Variants in PKP4 observed in about 807,000 individuals in gnomAD.
The protein encoded by PKP4 is plakophilin 4, also known as plakophilin-4.
Under a neutral mutation model 145.1 loss-of-function variants are expected in PKP4, and 90 were observed. That is an observed-to-expected ratio of 0.62 (90% confidence interval 0.52 to 0.74). The LOEUF is 0.74. Ranked by LOEUF, PKP4 falls within the 30% of genes least tolerant of loss-of-function variation. The pLI is 0.00. For synonymous variants in PKP4, 563 were observed against 577.2 expected, an observed-to-expected ratio of 0.98 and a Z score of 0.35; for missense variants, 1,340 against 1,482.7, an observed-to-expected ratio of 0.90 and a Z score of 1.58.
At chr2:158,496,406 T>C (rs1695719676) in intron 1 of PKP4, among the ~76,000 whole-genome samples, 1 of 152,224 alleles carries the variant, frequency 6.6e-6, no homozygotes, top group Admixed American at 6.5e-5. Flanking sequence ...AAGGATTGAA[T>C]TTATCGATTC....
At chr2:158,665,251 G>A (rs576193331) in intron 15 of PKP4, among the ~76,000 whole-genome samples, 25 of 152,184 alleles carry the variant, frequency 1.6e-4, no homozygotes, top group South Asian at 6.2e-4. Context: ...TTCTGTTGTT[G>A]CAGGTTTCAG....
chr2:158,632,436 G>A lies in PKP4; in HGVS notation c.1342+495G>A, dbSNP rs1574876917. ...GTAGAATGTAAAATAGATACCCCTT[G>A]CAATGGACTCAAACTGGTACAGGAT... On this transcript the variant is annotated intron_variant, in intron 8 of 21. Coordinates refer to ENST00000389759, the MANE Select transcript of PKP4 (RefSeq NM_003628.6). 4 of 158,594 alleles carry A rather than the reference G, an allele frequency of 2.5e-5. No homozygotes were observed. In the South Asian group the frequency reaches 7.7e-4, roughly 30 times the overall value. 9.8% of individuals were successfully genotyped at this position (158,594 alleles called of 1,614,324 possible). A position where few individuals can be genotyped will look rare whatever the true frequency, so the allele number is the denominator to read the frequency against.
chr2:158,554,494 T>C (rs1056218243), intron 2 of PKP4, among the ~76,000 whole-genome samples: 11 of 151,588 alleles, frequency 7.3e-5, no homozygotes, highest in East Asian at 1.9e-4. Context: ...GGTGCAATCT[T>C]GGCTCACTGC....
intron 13 of PKP4, among the ~76,000 whole-genome samples, chr2:158,661,984 A>T (rs1010581077): frequency 6.6e-6 from 1 of 152,076 alleles, no homozygotes; most frequent in Non-Finnish European, 1.5e-5. Context: ...AGTACAGGGC[A>T]TTCTGCTCAT....
At chr2:158,631,131 G>A (rs1359275706) in intron 7 of PKP4, among the ~76,000 whole-genome samples, 3 of 151,920 alleles carry the variant, frequency 2.0e-5, no homozygotes, top group South Asian at 2.1e-4. Context: ...TAGTAGAGAC[G>A]GGGTTTCACC....
At chr2:158,528,597 T>A (rs1271862732) in intron 1 of PKP4, among the ~76,000 whole-genome samples, 1 of 123,244 alleles carries the variant, frequency 8.1e-6, no homozygotes, top group Non-Finnish European at 1.6e-5. Context: ...GTAACTAACC[T>A]GCACAATGTG....
intron 1 of PKP4, among the ~76,000 whole-genome samples, chr2:158,472,287 G>A (rs1424767203): frequency 9.6e-6 from 1 of 104,682 alleles, no homozygotes; most frequent in Non-Finnish European, 1.9e-5. Context: ...TTATCTTTTA[G>A]TTTCTAAAAA....
At chr2:158,658,533 TACTC>T in intron 12 of PKP4, 1 of 428,580 alleles carries the variant, frequency 2.3e-6, no homozygotes, top group African/African-American at 2.1e-5. Flanking sequence ...TTCTGTGACT[TACTC>T]AGAAAGGCCC....
At chr2:158,594,233 G>A (rs1389807781) in intron 3 of PKP4, among the ~76,000 whole-genome samples, 1 of 152,156 alleles carries the variant, frequency 6.6e-6, no homozygotes, top group Non-Finnish European at 1.5e-5. Flanking sequence ...TTGCTGATGG[G>A]TCAGGAACAG....
At chr2:158,508,805 CA>C (rs1242547863) in intron 1 of PKP4, among the ~76,000 whole-genome samples, 1 of 152,134 alleles carries the variant, frequency 6.6e-6, no homozygotes, top group Non-Finnish European at 1.5e-5. Flanking sequence ...GGCTGGACAT[CA>C]AAATTTTATA....
At chr2:158,472,459 A>G (rs955291173) in intron 1 of PKP4, among the ~76,000 whole-genome samples, 3 of 151,868 alleles carry the variant, frequency 2.0e-5, no homozygotes, top group Non-Finnish European at 4.4e-5. Context: ...AAAATACAAA[A>G]AAAATTGGCC....
intron 4 of PKP4, among the ~76,000 whole-genome samples, chr2:158,609,364 A>T (rs189324125): frequency 3.3e-5 from 5 of 152,312 alleles, no homozygotes; most frequent in African/African-American, 9.6e-5. Flanking sequence ...CCATCAGTCC[A>T]CTTAGTCTTT....
intron 2 of PKP4, chr2:158,548,721 T>C: frequency 3.9e-6 from 1 of 256,068 alleles, no homozygotes; most frequent in Non-Finnish European, 7.2e-6. Context: ...CTGCTTAAGC[T>C]GGCCCATAAG....
intron 7 of PKP4, among the ~76,000 whole-genome samples, chr2:158,625,784 C>A (rs148517460): frequency 2.0e-5 from 3 of 152,116 alleles, no homozygotes; most frequent in Admixed American, 2.0e-4. Context: ...AGGCCTACCC[C>A]TAAACATACC....
intron 1 of PKP4, chr2:158,458,326 C>T (rs1309941791): frequency 6.6e-6 from 1 of 152,460 alleles, no homozygotes; most frequent in Admixed American, 6.5e-5. Context: ...CATTCCACTC[C>T]TCTCCTCCCA....
intron 2 of PKP4, among the ~76,000 whole-genome samples, chr2:158,536,797 C>T (rs1425670052): frequency 6.6e-6 from 1 of 152,166 alleles, no homozygotes; most frequent in Non-Finnish European, 1.5e-5. Flanking sequence ...CAGAAAGAAT[C>T]TTTGCTACTT....
intron 1 of PKP4, among the ~76,000 whole-genome samples, chr2:158,499,519 G>A (rs1696243293): frequency 6.6e-6 from 1 of 152,190 alleles, no homozygotes; most frequent in Admixed American, 6.5e-5. Flanking sequence ...ACACATGTCT[G>A]CATTTGAGTT....
Position 158,561,340 on chromosome 2 carries a change from A to G in PKP4, c.133-15931A>G, listed in dbSNP as rs1559326711. ...GATATTAGAACAAAAATCTGTGATA[A>G]GAAGTTTTGTATGGGGCCCGAAAGC... On this transcript the variant is annotated intron_variant, in intron 2 of 21. Transcript: ENST00000389759. Among the ~76,000 whole-genome samples, 4 of 152,210 alleles carry G rather than the reference A, an allele frequency of 2.6e-5. No homozygotes were observed. The South Asian group carries it at 6.2e-4, about 24-fold the overall frequency.
chr2:158,666,391 C>A, intron 15 of PKP4, 22 bp from the exon 16 acceptor site: 1 of 1,555,246 alleles, frequency 6.4e-7, no homozygotes, highest in Non-Finnish European at 8.7e-7. Context: ...TATGTTACTT[C>A]CTGCCTTATT....
Sources: allele counts gnomAD v4.1 joint callset (sites outside exome capture counted in the v4.1 genomes callset), GRCh38; gene constraint gnomAD v4.1.1; transcripts MANE v1.5; gene names NCBI Gene and HGNC (gene_info 2026-07-23, HGNC 2026-07-21).